Variants in HS1BP3 observed in about 807,000 individuals in gnomAD.
The protein encoded by HS1BP3 is HCLS1-binding protein 3.
Under a neutral mutation model 33.5 loss-of-function variants are expected in HS1BP3, and 32 were observed. The ratio of observed to expected loss-of-function variants is 0.95; its 90% confidence interval spans 0.72 to 1.28. The LOEUF (loss-of-function observed/expected upper bound fraction) is 1.28. Among genes scored for constraint, HS1BP3 ranks in the 50% most tolerant of loss-of-function variants. The pLI is 0.00. For synonymous variants in HS1BP3, 187 were observed against 209.2 expected, an observed-to-expected ratio of 0.89 and a Z score of 0.92; for missense variants, 486 against 502.3, an observed-to-expected ratio of 0.97 and a Z score of 0.31.
chr2:20,590,812 C>T (rs1693795639), downstream of HS1BP3: 3 of 167,004 alleles, frequency 1.8e-5, no homozygotes, highest in South Asian at 6.2e-4. Context: ...TTTATTGTCT[C>T]CACTTGGCAT....
chr2:20,577,705 A>T (rs1239958870), intron 5 of HS1BP3, among the ~76,000 whole-genome samples: 3 of 152,326 alleles, frequency 2.0e-5, no homozygotes, highest in East Asian at 3.9e-4. Context: ...AGACCAACTC[A>T]GGCCGGGTGC....
chr2:20,610,693 T>C (rs933588760), intron 2 of HS1BP3, among the ~76,000 whole-genome samples: 4 of 152,234 alleles, frequency 2.6e-5, no homozygotes, highest in African/African-American at 9.6e-5. Flanking sequence ...AGCATCCATG[T>C]ACAGATTTTT....
chr2:20,563,499 G>A (rs902132671), intron 5 of HS1BP3, among the ~76,000 whole-genome samples: 1 of 152,260 alleles, frequency 6.6e-6, no homozygotes, highest in African/African-American at 2.4e-5. Flanking sequence ...TCAATAAGGA[G>A]CTTCTACAGG....
At chr2:20,623,727 C>A in intron 6 of HS1BP3, 169 bp downstream of exon 6, 1 of 701,968 alleles carries the variant, frequency 1.4e-6, no homozygotes, top group Non-Finnish European at 2.2e-6. Flanking sequence ...CCCCCTCAGC[C>A]CCCTTCACCG....
chr2:20,630,442 A>T (rs1572349611), intron 4 of HS1BP3, among the ~76,000 whole-genome samples: 1 of 151,854 alleles, frequency 6.6e-6, no homozygotes, highest in East Asian at 1.9e-4. Flanking sequence ...TTAAAAAATA[A>T]TTTTTTTGTC....
chr2:20,576,593 C>T (rs1343397110), intron 5 of HS1BP3, among the ~76,000 whole-genome samples: 3 of 152,218 alleles, frequency 2.0e-5, no homozygotes, highest in Non-Finnish European at 2.9e-5. Flanking sequence ...GGAACAGGAT[C>T]GCCTCCCTCA....
intron 2 of HS1BP3, among the ~76,000 whole-genome samples, chr2:20,644,842 A>G (rs1048607388): frequency 2.0e-5 from 3 of 152,074 alleles, no homozygotes; most frequent in Non-Finnish European, 2.9e-5. Flanking sequence ...ACTCTCCACA[A>G]TCTGGATCCT....
At chr2:20,573,885 C>T (rs13408717) in intron 5 of HS1BP3, among the ~76,000 whole-genome samples, 2,265 of 152,302 alleles carry the variant, frequency 0.015, 61 homozygotes, top group African/African-American at 0.052. Context: ...GAGGGCCAAG[C>T]GCTTTGCTGC....
intron 3 of HS1BP3, among the ~76,000 whole-genome samples, chr2:20,639,715 C>G (rs1328295463): frequency 6.6e-6 from 1 of 152,230 alleles, no homozygotes; most frequent in African/African-American, 2.4e-5. Flanking sequence ...AGAGAGATCC[C>G]TACTGTACAT....
downstream of HS1BP3, among the ~76,000 whole-genome samples, chr2:20,617,413 A>AG (rs1462963412): frequency 6.8e-6 from 1 of 148,048 alleles, no homozygotes; most frequent in Non-Finnish European, 1.5e-5. Context: ...GTTAAGACGG[A>AG]GGAGGAGGGA....
chr2:20,595,558 C>G lies in HS1BP3; in HGVS notation c.*12+2650G>C, dbSNP rs79810051. ...GCTGATCCTGTAGCAACCAGTGATT[C>G]TGGCCACAGCCCGTGCCTGCCTGCC... is the stretch of plus-strand genomic sequence containing the variant. On this transcript the variant is annotated intron_variant, in intron 3 of 3. Coordinates refer to the HS1BP3 transcript ENST00000415264. Among the ~76,000 whole-genome samples, 6 of 152,336 alleles carry G rather than the reference C, an allele frequency of 3.9e-5. No individual in the cohort carries two copies. In the East Asian group the frequency reaches 1.2e-3, roughly 29 times the overall value.
At chr2:20,597,322 C>G (rs983628850) in intron 3 of HS1BP3, among the ~76,000 whole-genome samples, 4 of 152,202 alleles carry the variant, frequency 2.6e-5, no homozygotes, top group African/African-American at 7.2e-5. Context: ...GTCCTCATAG[C>G]TCTGATTTTG....
At chr2:20,614,813 G>C (rs917741696), downstream of HS1BP3, among the ~76,000 whole-genome samples, 3 of 152,382 alleles carry the variant, frequency 2.0e-5, no homozygotes, top group Middle Eastern at 3.4e-3. Context: ...CACATGCTGA[G>C]CCCATAATCC....
At chr2:20,558,664 G>A (rs1258418556), downstream of HS1BP3, among the ~76,000 whole-genome samples, 1 of 152,202 alleles carries the variant, frequency 6.6e-6, no homozygotes, top group Non-Finnish European at 1.5e-5. Context: ...GAAGACACAG[G>A]AACAGGGCCC....
At chr2:20,589,423 A>T (rs1377780712), downstream of HS1BP3, among the ~76,000 whole-genome samples, 1 of 152,086 alleles carries the variant, frequency 6.6e-6, no homozygotes, top group African/African-American at 2.4e-5. Context: ...GGCTCTTCAC[A>T]TGTTCCCTGT....
chr2:20,555,543 C>T (rs1692816217), downstream of HS1BP3, among the ~76,000 whole-genome samples: 1 of 152,162 alleles, frequency 6.6e-6, no homozygotes, highest in Admixed American at 6.5e-5. Flanking sequence ...CCTTCACATA[C>T]CCTGAGGACC....
intron 1 of HS1BP3, among the ~76,000 whole-genome samples, chr2:20,650,107 C>T (rs1054936207): frequency 1.3e-5 from 2 of 152,190 alleles, no homozygotes; most frequent in Admixed American, 1.3e-4. Context: ...ACCAAGCAGC[C>T]TCCGACATCA....
intron 2 of HS1BP3, among the ~76,000 whole-genome samples, chr2:20,599,644 A>ACC (rs1460521614): frequency 7.1e-6 from 1 of 141,540 alleles, no homozygotes; most frequent in Non-Finnish European, 1.5e-5. Flanking sequence ...ACACACACAC[A>ACC]CACACTCTGT....
At chr2:20,562,118 C>T (rs1693014975) in intron 5 of HS1BP3, among the ~76,000 whole-genome samples, 1 of 152,178 alleles carries the variant, frequency 6.6e-6, no homozygotes, top group South Asian at 2.1e-4. Context: ...CCCCTTTCCC[C>T]ATGCCTCGCC....
Sources: gnomAD v4.1 joint callset for allele counts (sites outside exome capture counted in the v4.1 genomes callset) on GRCh38, gnomAD v4.1.1 for gene constraint, MANE v1.5 for transcripts, NCBI Gene and HGNC (gene_info 2026-07-23, HGNC 2026-07-21) for gene names.